The following FBXL17 variants were observed in gnomAD, a reference collection of about 807,000 sequenced individuals.
FBXL17 encodes the protein F-box/LRR-repeat protein 17.
FBXL17 carries 22 observed loss-of-function variants against 66.2 expected under a neutral mutation model. That is an observed-to-expected ratio of 0.33 (90% CI 0.24 to 0.47). The LOEUF is 0.47. FBXL17 is among the 20% of genes least tolerant of loss of function. The pLI is 1.00. For synonymous variants in FBXL17, 474 were observed against 400.5 expected, an observed-to-expected ratio of 1.18 and a Z score of -2.19; for missense variants, 878 against 948.2, an observed-to-expected ratio of 0.93 and a Z score of 0.97.
At chr5:108,155,952 T>TA (rs1177225926) in intron 6 of FBXL17, among the ~76,000 whole-genome samples, 1 of 152,116 alleles carries the variant, frequency 6.6e-6, no homozygotes, top group Non-Finnish European at 1.5e-5. Flanking sequence ...CCTGGAAAAT[T>TA]AGAGTACTAT....
chr5:108,074,005 A>G (rs1411457359), intron 6 of FBXL17, among the ~76,000 whole-genome samples: 1 of 151,746 alleles, frequency 6.6e-6, no homozygotes, highest in African/African-American at 2.4e-5. Flanking sequence ...CCAAGGCTCC[A>G]CTCTCCCCCA....
chr5:107,924,871 G>A (rs1331018313), intron 7 of FBXL17, among the ~76,000 whole-genome samples: 1 of 152,192 alleles, frequency 6.6e-6, no homozygotes, highest in Non-Finnish European at 1.5e-5. Flanking sequence ...AAACTAAGAA[G>A]CTAATATGTG....
chr5:108,177,019 T>C (rs1752818462), intron 6 of FBXL17, among the ~76,000 whole-genome samples: 1 of 152,184 alleles, frequency 6.6e-6, no homozygotes. Context: ...TTCTTCTTTT[T>C]AATTGAAAGA....
chr5:108,018,349 G>A (rs1404370737), intron 7 of FBXL17, among the ~76,000 whole-genome samples: 5 of 152,098 alleles, frequency 3.3e-5, no homozygotes, highest in Non-Finnish European at 7.4e-5. Flanking sequence ...AGGGTAGGGG[G>A]GACACAGTCT....
chr5:108,257,805 T>C (rs970089961), intron 4 of FBXL17, among the ~76,000 whole-genome samples: 2 of 152,078 alleles, frequency 1.3e-5, no homozygotes, highest in Non-Finnish European at 2.9e-5. Context: ...CACATACATA[T>C]TGTATTATAA....
In FBXL17 at chr5:108,381,721, C is replaced by T; in HGVS notation, c.-30G>A. 1 of 1,419,224 alleles carries T rather than the reference C, an allele frequency of 7.0e-7. No homozygotes were observed. Among genetic ancestry groups the T allele is most frequent in the Non-Finnish European group, 9.1e-7 (1 of 1,092,984 alleles). The allele number at this position is 1,419,224 out of a possible 1,614,324, so 87.9% of individuals were successfully genotyped here. On this transcript the variant is annotated 5_prime_UTR_variant, in exon 1 of 9. Transcript: ENST00000542267. ...AAGGCCCCGAGGAGGGGGACCGGGA[C>T]GGGAGGGAGGGAGACCCAGAGAGGC...
chr5:108,306,576 G>A (rs1758853005), intron 4 of FBXL17, among the ~76,000 whole-genome samples: 1 of 151,970 alleles, frequency 6.6e-6, no homozygotes, highest in Non-Finnish European at 1.5e-5. Context: ...GTTTTTAAAA[G>A]GATCAGGTTC....
intron 6 of FBXL17, among the ~76,000 whole-genome samples, chr5:108,093,690 T>A (rs965347876): frequency 3.3e-5 from 5 of 152,196 alleles, no homozygotes; most frequent in Non-Finnish European, 5.9e-5. Context: ...TTTATTGCAT[T>A]TATATCGGCA....
At chr5:107,879,194 G>C in intron 8 of FBXL17, 1 of 985,428 alleles carries the variant, frequency 1.0e-6, no homozygotes, top group Non-Finnish European at 1.2e-6. Context: ...AAAGATTACA[G>C]GTTAGAAATA....
intron 7 of FBXL17, among the ~76,000 whole-genome samples, chr5:107,998,270 T>C (rs935469145): frequency 8.5e-5 from 13 of 152,208 alleles, no homozygotes; most frequent in Non-Finnish European, 1.6e-4. Flanking sequence ...GCAGCTCACA[T>C]TTGTGGCTTC....
At chr5:108,305,906 T>C (rs1212778343) in intron 4 of FBXL17, among the ~76,000 whole-genome samples, 1 of 152,130 alleles carries the variant, frequency 6.6e-6, no homozygotes, top group Non-Finnish European at 1.5e-5. Flanking sequence ...TGATACATCC[T>C]GATAGCTTCT....
chr5:107,940,920 G>T (rs1331872388), intron 7 of FBXL17, among the ~76,000 whole-genome samples: 1 of 152,106 alleles, frequency 6.6e-6, no homozygotes, highest in African/African-American at 2.4e-5. Context: ...TTTTAAAGAG[G>T]TTCCCATGTA....
At chr5:107,964,953 T>A (rs1752062936) in intron 7 of FBXL17, among the ~76,000 whole-genome samples, 1 of 152,120 alleles carries the variant, frequency 6.6e-6, no homozygotes, top group Non-Finnish European at 1.5e-5. Flanking sequence ...AGGTTTTGAT[T>A]TTTTTCTCAG....
At chr5:108,126,656 T>C (rs1385652285) in intron 6 of FBXL17, among the ~76,000 whole-genome samples, 4 of 124,100 alleles carry the variant, frequency 3.2e-5, no homozygotes, top group Non-Finnish European at 7.0e-5. Context: ...TCTCTCTATA[T>C]ATATATACAT....
At chr5:107,891,998 C>T (rs1749211411) in intron 7 of FBXL17, among the ~76,000 whole-genome samples, 1 of 152,104 alleles carries the variant, frequency 6.6e-6, no homozygotes, top group Non-Finnish European at 1.5e-5. Flanking sequence ...GTAACTTAGC[C>T]TAGCCCACCT....
At chr5:108,347,670 T>C (rs1350088708) in intron 4 of FBXL17, among the ~76,000 whole-genome samples, 1 of 152,120 alleles carries the variant, frequency 6.6e-6, no homozygotes, top group Non-Finnish European at 1.5e-5. Context: ...TGCCAGGGAC[T>C]AGAAGAAGGG....
At chr5:108,206,231 T>C (rs867759454) in intron 5 of FBXL17, among the ~76,000 whole-genome samples, 4 of 152,312 alleles carry the variant, frequency 2.6e-5, no homozygotes, top group Non-Finnish European at 4.4e-5. Flanking sequence ...CCCTTATGAA[T>C]TATGTGTTTA....
In FBXL17 at chr5:107,860,039, T is replaced by C. The variant is rs1289552919; in HGVS notation, c.*1681A>G. The stretch of plus-strand genomic sequence containing the variant: ...GTTATGGGAAGAATACTCATGGCGC[T>C]TACTGACTAGATTTTCCTAACCGAT... On this transcript the variant is annotated 3_prime_UTR_variant, in exon 9 of 9. Coordinates refer to ENST00000542267, the MANE Select transcript of FBXL17 (RefSeq NM_001163315.3). The C allele has an allele frequency of 6.6e-6, 1 of 152,182 alleles. No homozygotes were observed. The highest frequency in any genetic ancestry group is 2.4e-5 in the African/African-American group (1 of 41,458). The allele number at this position is 152,182 out of a possible 1,614,324, so 9.4% of individuals were successfully genotyped here.
chr5:108,186,210 G>A lies in FBXL17; in HGVS notation c.1652C>T (p.Thr551Ile), dbSNP rs202201260. 9.9e-6 allele frequency: 16 copies of A among 1,612,710 alleles called. No homozygotes were observed. The highest frequency in any genetic ancestry group is 1.7e-5 in the Admixed American group (1 of 59,974). ...NLSSLDLRHI[T>I]ELDNETVMEI... ...CATCACGGTTTCATTATCCAGTTCA[G>A]TGATATGACGTAGGTCCAAGCTGGA... The change falls in exon 6 of 9, where the codon ACT becomes ATT. Residue 551 changes from threonine to isoleucine, a missense_variant. Thr to Ile is a moderately conservative substitution (Grantham distance 89). This residue lies in a region of FBXL17 where 236 missense variants were observed against 389.1 expected (regional missense o/e 0.61). Coordinates refer to ENST00000542267, the MANE Select transcript of FBXL17 (RefSeq NM_001163315.3).
Sources: gnomAD v4.1 joint callset for allele counts (sites outside exome capture counted in the v4.1 genomes callset) on GRCh38, gnomAD v4.1.1 for gene constraint, gnomAD v4.1.1 regional missense constraint, MANE v1.5 for transcripts, NCBI Gene and HGNC (gene_info 2026-07-23, HGNC 2026-07-21) for gene names.